The following TRAPPC12 variants were observed in gnomAD, a reference collection of about 807,000 sequenced individuals.
TRAPPC12 encodes the protein TPR repeat protein 15.
TRAPPC12 carries 61 observed loss-of-function variants against 69.2 expected under a neutral mutation model. The observed-to-expected ratio is 0.88, with a 90% CI of 0.72 to 1.09. The LOEUF is 1.09. TRAPPC12 is among the 50% of genes least tolerant of loss of function. TRAPPC12 has a pLI of 0.00. For synonymous variants in TRAPPC12, 469 were observed against 438.9 expected (o/e 1.07, Z -0.86); for missense variants, 1,101 against 1,016.4 (o/e 1.08, Z -1.13).
chr2:3,388,884 G>A (rs1660665521), intron 2 of TRAPPC12: 1 of 490,774 alleles, frequency 2.0e-6, no homozygotes, highest in Admixed American at 3.9e-5. Flanking sequence ...ACTCAGAGAG[G>A]TAGAAATAAA....
At chr2:3,468,015 TCA>T (rs1665898477) in intron 9 of TRAPPC12, 1 of 152,270 alleles carries the variant, frequency 6.6e-6, no homozygotes, top group Non-Finnish European at 1.5e-5. Context: ...TTGTGGCCTG[TCA>T]GGTGAGCCCA....
rs147489818 is a variant in TRAPPC12 at position 3,479,413 on chromosome 2, C to T, written c.2160C>T (p.Ala720=). The change falls in exon 12 of 12, where the codon GCC becomes GCT. Residue 720 remains alanine, a synonymous_variant. Transcript: ENST00000324266. ...QKKQALLEAV[A]GKEGDSFNTQ... is the part of the protein sequence containing the mutation. ...AACAGGCCCTGCTGGAGGCTGTCGC[C>T]GGCAAGGAGGGGGACAGCTTCAACA... 1.2e-5 allele frequency: 19 copies of T among 1,613,974 alleles called. No homozygotes were observed. The highest frequency in any genetic ancestry group is 5.3e-5 in the African/African-American group (4 of 74,936).
intron 6 of TRAPPC12, 127 bp from the exon 7 acceptor site, chr2:3,457,494 G>A (rs1665221490): frequency 1.5e-6 from 1 of 684,824 alleles, no homozygotes; most frequent in Non-Finnish European, 2.6e-6. Flanking sequence ...TTAAAAGTAT[G>A]TGTGAACATC....
chr2:3,460,290 T>G lies in TRAPPC12; in HGVS notation c.1631T>G (p.Leu544Arg), dbSNP rs996248313. Residue 544 changes from leucine (L) to arginine (R), a missense_variant, in exon 8 of 12, where the codon CTG becomes CGG. Transcript: ENST00000324266. ...QASIRLWRSR[L>R]GRVMYSMANC... ...TCTATCCGGCTGTGGAGGTCACGTC[T>G]GGGCCGGGTGATGTACTCCATGGCA... 3 of 874,610 alleles carry G rather than the reference T, an allele frequency of 3.4e-6. No individual in the cohort carries two copies. Among genetic ancestry groups the G allele is most frequent in the Non-Finnish European group, 6.0e-6 (3 of 503,264 alleles). 54.2% of individuals were successfully genotyped at this position (874,610 alleles called of 1,614,324 possible). A position where few individuals can be genotyped will look rare whatever the true frequency, so the allele number is the denominator to read the frequency against.
chr2:3,471,316 A>G (rs750000983), intron 9 of TRAPPC12, among the ~76,000 whole-genome samples: 1 of 152,158 alleles, frequency 6.6e-6, no homozygotes, highest in Non-Finnish European at 1.5e-5. Flanking sequence ...ACAGAATTGT[A>G]CTTGGGGTTT....
intron 4 of TRAPPC12, among the ~76,000 whole-genome samples, chr2:3,423,602 C>A (rs548018181): frequency 5.2e-4 from 77 of 147,944 alleles, no homozygotes; most frequent in Non-Finnish European, 8.9e-4. Context: ...CGGTGTTTGT[C>A]TTTCTGTGCC....
chr2:3,383,396 T>C (rs68053105), intron 1 of TRAPPC12, among the ~76,000 whole-genome samples: 20,011 of 149,948 alleles, frequency 0.13, 2,041 homozygotes, highest in East Asian at 0.47. Flanking sequence ...TAATTTTTGA[T>C]CCCCCACCCC....
intron 7 of TRAPPC12, chr2:3,458,464 G>T: frequency 1.0e-6 from 1 of 986,266 alleles, no homozygotes; most frequent in Non-Finnish European, 1.2e-6. Context: ...TTCCGCAGGT[G>T]TGCTGGGGTT....
intron 3 of TRAPPC12, chr2:3,421,646 C>T (rs1463262652): frequency 1.4e-5 from 10 of 707,292 alleles, no homozygotes; most frequent in African/African-American, 5.3e-5. Flanking sequence ...ATGATTTGAT[C>T]GGCTTGAACT....
chr2:3,464,136 G>A (rs367759179), intron 8 of TRAPPC12, among the ~76,000 whole-genome samples: 13 of 148,780 alleles, frequency 8.7e-5, no homozygotes, highest in South Asian at 4.6e-4. Context: ...ACACACACAC[G>A]TCCACACACA....
chr2:3,408,902 T>A (rs1661878427), intron 3 of TRAPPC12, among the ~76,000 whole-genome samples: 1 of 152,232 alleles, frequency 6.6e-6, no homozygotes, highest in Non-Finnish European at 1.5e-5. Context: ...TGTGCCGCCC[T>A]GGATATCCCA....
At chr2:3,463,353 C>T (rs531520949) in intron 8 of TRAPPC12, among the ~76,000 whole-genome samples, 23 of 151,890 alleles carry the variant, frequency 1.5e-4, no homozygotes, top group African/African-American at 3.6e-4. Flanking sequence ...GAGGGACTGG[C>T]GAGCGCTACT....
At chr2:3,421,765 G>A in intron 3 of TRAPPC12, 116 bp from the exon 4 acceptor site, 1 of 915,024 alleles carries the variant, frequency 1.1e-6, no homozygotes, top group Non-Finnish European at 1.8e-6. Flanking sequence ...ACTAACGGCT[G>A]GCTGGCGCTG....
At chr2:3,466,029 T>G (rs1665792920) in intron 9 of TRAPPC12, among the ~76,000 whole-genome samples, 2 of 152,246 alleles carry the variant, frequency 1.3e-5, no homozygotes, top group South Asian at 4.1e-4. Flanking sequence ...TATCCCGTAA[T>G]AGTCACTCGC....
chr2:3,434,960 G>T (rs1663667380), intron 5 of TRAPPC12, among the ~76,000 whole-genome samples: 1 of 152,202 alleles, frequency 6.6e-6, no homozygotes, highest in African/African-American at 2.4e-5. Context: ...AGCAGGAGGA[G>T]CCGATCACCC....
At chr2:3,433,033 TTG>T (rs1243653539) in intron 5 of TRAPPC12, among the ~76,000 whole-genome samples, 1 of 151,928 alleles carries the variant, frequency 6.6e-6, no homozygotes, top group Non-Finnish European at 1.5e-5. Context: ...CTCACTGTTT[TTG>T]TGTTTGGTTT....
intron 9 of TRAPPC12, among the ~76,000 whole-genome samples, chr2:3,477,039 A>G (rs1186258779): frequency 2.0e-5 from 3 of 152,206 alleles, no homozygotes; most frequent in African/African-American, 4.8e-5. Flanking sequence ...GGTGAAAGAA[A>G]ACCCAAGTCT....
At position 3,414,385 on chromosome 2, in the gene TRAPPC12, C is replaced by T. The variant is rs1407359427; in HGVS notation, c.1165-7496C>T. 6.6e-6 allele frequency among the ~76,000 whole-genome samples: 1 copy of T among 152,104 alleles called. No homozygotes were observed. The highest frequency in any genetic ancestry group is 1.5e-5 in the Non-Finnish European group (1 of 68,020). On this transcript the variant is annotated intron_variant, in intron 3 of 11. Transcript: ENST00000324266. The surrounding 1 kb of genome is among the most constrained non-coding windows in gnomAD (Gnocchi z 4.9). ...ATGGCAGTGGGGTCCTGGCAGCAGT[C>T]ACTCCACTCTGGATTTAGTCCTTAG...
At position 3,424,658 on chromosome 2, in the gene TRAPPC12, G is replaced by T; in HGVS notation, c.1412G>T (p.Arg471Leu). 2 of 1,605,134 alleles carry T rather than the reference G, an allele frequency of 1.2e-6. No individual in the cohort carries two copies. The highest frequency in any genetic ancestry group is 1.7e-6 in the Non-Finnish European group (2 of 1,176,434). The change falls in exon 5 of 12, where the codon CGC (arginine) becomes CTC (leucine). Residue 471 changes from arginine to leucine, a missense_variant. By Grantham distance (102) the Arg-to-Leu change is moderately radical. Coordinates refer to ENST00000324266, the MANE Select transcript of TRAPPC12 (RefSeq NM_016030.6). ...YEYYPHVYPGRRGSMVPFSMR... is the reference protein window; with the variant it reads ...YEYYPHVYPGLRGSMVPFSMR... ...TACTACCCGCACGTGTACCCTGGGC[G>T]CAGGGGTAAGGCCATGGTATTTAAT...
Sources: gnomAD v4.1 joint callset for allele counts (sites outside exome capture counted in the v4.1 genomes callset) on GRCh38, gnomAD v4.1.1 for gene constraint, Gnocchi (gnomAD v3.1) non-coding constraint, MANE v1.5 for transcripts, NCBI Gene and HGNC (gene_info 2026-07-23, HGNC 2026-07-21) for gene names.